Variants in CNTN5 observed in about 807,000 individuals in gnomAD.
CNTN5 encodes the protein contactin-5.
Under a neutral mutation model 129.1 loss-of-function variants are expected in CNTN5, and 77 were observed. That is an observed-to-expected ratio of 0.60 (90% CI 0.50 to 0.72). The LOEUF is 0.72. CNTN5 is among the 30% of genes least tolerant of loss of function. CNTN5 has a pLI of 0.00. For synonymous variants in CNTN5, 509 were observed against 465.6 expected, an observed-to-expected ratio of 1.09 and a Z score of -1.20; for missense variants, 1,478 against 1,328.8, an observed-to-expected ratio of 1.11 and a Z score of -1.75.
intron 1 of CNTN5, among the ~76,000 whole-genome samples, chr11:99,043,020 CT>C (rs1269373369): frequency 1.2e-4 from 18 of 152,138 alleles, no homozygotes; most frequent in African/African-American, 4.1e-4. Flanking sequence ...GAGATATCCC[CT>C]GGACCTTGGA....
chr11:100,164,562 A>G (rs1392759649), intron 13 of CNTN5, among the ~76,000 whole-genome samples: 3 of 151,846 alleles, frequency 2.0e-5, no homozygotes, highest in Non-Finnish European at 4.4e-5. Context: ...CCCAAAATAC[A>G]TACTAAAAAT....
At chr11:99,981,786 G>A (rs1264877633) in intron 8 of CNTN5, among the ~76,000 whole-genome samples, 2 of 152,090 alleles carry the variant, frequency 1.3e-5, no homozygotes, top group Non-Finnish European at 2.9e-5. Context: ...TATAATCAAT[G>A]TTTAAAACTA....
At chr11:99,861,056 C>T (rs111513744) in intron 6 of CNTN5, among the ~76,000 whole-genome samples, 17 of 147,778 alleles carry the variant, frequency 1.2e-4, no homozygotes, top group Admixed American at 1.0e-3. Flanking sequence ...CCCAGGTTCA[C>T]GCCATTCTCT....
At chr11:100,308,879 C>G in intron 21 of CNTN5, 1 of 984,106 alleles carries the variant, frequency 1.0e-6, no homozygotes, top group Non-Finnish European at 1.2e-6. Flanking sequence ...TCAAATTTTG[C>G]TTGGAATTTA....
At chr11:99,944,700 G>A (rs1474554867) in intron 7 of CNTN5, among the ~76,000 whole-genome samples, 3 of 152,022 alleles carry the variant, frequency 2.0e-5, no homozygotes, top group Non-Finnish European at 4.4e-5. Context: ...AAAATCGCAA[G>A]CATTCTTATA....
At chr11:99,496,384 G>T (rs1293535626) in intron 2 of CNTN5, among the ~76,000 whole-genome samples, 1 of 152,100 alleles carries the variant, frequency 6.6e-6, no homozygotes, top group Non-Finnish European at 1.5e-5. Context: ...TGGTCAGAAA[G>T]GTAGGATGAA....
intron 2 of CNTN5, among the ~76,000 whole-genome samples, chr11:99,521,610 C>T (rs576056606): frequency 6.6e-6 from 1 of 152,228 alleles, no homozygotes; most frequent in African/African-American, 2.4e-5. Flanking sequence ...ATAAAGTTTG[C>T]TTTAACTGCG....
At chr11:99,276,192 C>A (rs1863418932) in intron 1 of CNTN5, among the ~76,000 whole-genome samples, 5 of 151,656 alleles carry the variant, frequency 3.3e-5, no homozygotes, top group Admixed American at 2.6e-4. Flanking sequence ...TAAGATGGAT[C>A]TTGCTTCAAA....
chr11:100,283,149 C>A (rs1950678148), intron 18 of CNTN5, among the ~76,000 whole-genome samples: 1 of 152,124 alleles, frequency 6.6e-6, no homozygotes, highest in Non-Finnish European at 1.5e-5. Context: ...GATGATTAAT[C>A]CTGCCAAGAC....
Position 100,172,491 on chromosome 11 carries a change from G to T in CNTN5, c.1581-18635G>T, listed in dbSNP as rs184418028. On this transcript the variant is annotated intron_variant, in intron 13 of 24. Coordinates refer to ENST00000524871, the MANE Select transcript of CNTN5 (RefSeq NM_014361.4). ...GAGGAGTAGACTAGAAGTATAAGAG[G>T]ACAGAGGAAGAGTAATGATGTGTGG... Among the ~76,000 whole-genome samples the T allele has an allele frequency of 7.7e-4, 117 of 152,088 alleles. No homozygotes were observed. The Middle Eastern group carries it at 0.02, about 27-fold the overall frequency.
chr11:99,593,396 G>T (rs1032483569), intron 3 of CNTN5, among the ~76,000 whole-genome samples: 1 of 152,142 alleles, frequency 6.6e-6, no homozygotes, highest in African/African-American at 2.4e-5. Flanking sequence ...ACTGTCAGTT[G>T]TTTGATTCTT....
intron 13 of CNTN5, among the ~76,000 whole-genome samples, chr11:100,149,432 G>A (rs796300965): frequency 3.3e-5 from 5 of 152,236 alleles, no homozygotes; most frequent in African/African-American, 7.2e-5. Context: ...TGTTGAAGAT[G>A]AAATATCTGA....
At chr11:99,104,918 C>G (rs564024182) in intron 1 of CNTN5, among the ~76,000 whole-genome samples, 1 of 152,010 alleles carries the variant, frequency 6.6e-6, no homozygotes, top group South Asian at 2.1e-4. Context: ...AAAATAAAGA[C>G]AAGATTAGTA....
chr11:99,416,824 T>G (rs1411616827), intron 2 of CNTN5, among the ~76,000 whole-genome samples: 1 of 152,158 alleles, frequency 6.6e-6, no homozygotes, highest in Non-Finnish European at 1.5e-5. Context: ...AAGGGGAGAT[T>G]ATGCCAGTGA....
chr11:99,394,375 A>C (rs1941413562), intron 2 of CNTN5, among the ~76,000 whole-genome samples: 1 of 151,640 alleles, frequency 6.6e-6, no homozygotes, highest in Non-Finnish European at 1.5e-5. Flanking sequence ...GAATTACCTC[A>C]AACTCACATT....
chr11:99,893,061 G>A (rs1949107021), intron 6 of CNTN5, among the ~76,000 whole-genome samples: 1 of 150,084 alleles, frequency 6.7e-6, no homozygotes, highest in East Asian at 2.0e-4. Context: ...CTCAGCAAAT[G>A]TTTCCAGGAA....
chr11:99,348,766 G>A (rs1938087350), intron 2 of CNTN5, among the ~76,000 whole-genome samples: 1 of 152,146 alleles, frequency 6.6e-6, no homozygotes, highest in African/African-American at 2.4e-5. Context: ...TGTAAGATCT[G>A]TGGTTTTAAA....
intron 8 of CNTN5, among the ~76,000 whole-genome samples, chr11:99,962,843 C>G (rs1032128295): frequency 2.6e-5 from 4 of 151,234 alleles, no homozygotes; most frequent in African/African-American, 7.3e-5. Context: ...TTTTAATGAT[C>G]GCCATTCTAA....
At chr11:100,178,128 C>T (rs576680648) in intron 13 of CNTN5, among the ~76,000 whole-genome samples, 1 of 152,228 alleles carries the variant, frequency 6.6e-6, no homozygotes, top group South Asian at 2.1e-4. Context: ...GCTCCACTCC[C>T]TCTTCTACCA....
Sources: allele counts gnomAD v4.1 joint callset (sites outside exome capture counted in the v4.1 genomes callset), GRCh38; gene constraint gnomAD v4.1.1; transcripts MANE v1.5; gene names NCBI Gene and HGNC (gene_info 2026-07-23, HGNC 2026-07-21).